The following MTMR8 variants were observed in gnomAD, a reference collection of about 807,000 sequenced individuals.
The protein encoded by MTMR8 is phosphatidylinositol-3,5-bisphosphate 3-phosphatase MTMR8.
Under a neutral mutation model 39.3 loss-of-function variants are expected in MTMR8, and 65 were observed. The ratio of observed to expected loss-of-function variants is 1.65; its 90% confidence interval spans 1.35 to 2.03. MTMR8 has a LOEUF of 2.03. Among genes scored for constraint, MTMR8 ranks in the 30% most tolerant of loss-of-function variants. The probability of loss-of-function intolerance (pLI) is 0.00; values close to 1 mark genes in which losing one functional copy is unlikely to be tolerated. For missense variants in MTMR8, 777 were observed against 538.9 expected (o/e 1.44, Z -4.37); for synonymous variants, 245 against 185.2 (o/e 1.32, Z -2.62).
intron 12 of MTMR8, among the ~76,000 whole-genome samples, chrX:64,292,907 G>T (rs1028022832): frequency 1.8e-5 from 2 of 111,571 alleles, no homozygotes; most frequent in Non-Finnish European, 3.8e-5. Context: ...CTCAAAAGAG[G>T]CTTTGTGCCT....
At chrX:64,365,390 C>G (rs1238013351) in intron 1 of MTMR8, among the ~76,000 whole-genome samples, 1 of 111,178 alleles carries the variant, frequency 9.0e-6, no homozygotes, top group African/African-American at 3.3e-5. Flanking sequence ...AAGGGAAGCC[C>G]ACCAGACTAA....
chrX:64,320,734 G>T (rs1397235178), intron 12 of MTMR8, among the ~76,000 whole-genome samples: 1 of 110,976 alleles, frequency 9.0e-6, no homozygotes, highest in African/African-American at 3.3e-5. Flanking sequence ...TCAGATACAT[G>T]CTGAGGGTCA....
chrX:64,335,095 A>C (rs1473890635), intron 10 of MTMR8, among the ~76,000 whole-genome samples: 1 of 111,480 alleles, frequency 9.0e-6, no homozygotes, highest in Non-Finnish European at 1.9e-5. Context: ...AATGGGGGAA[A>C]ATAAGACCTG....
intron 12 of MTMR8, among the ~76,000 whole-genome samples, chrX:64,277,157 G>T (rs774249370): frequency 9.0e-6 from 1 of 111,455 alleles, no homozygotes; most frequent in Non-Finnish European, 1.9e-5. Flanking sequence ...TGTGAGATGG[G>T]TCTCCTGAAT....
chrX:64,327,150 A>C (rs1922818789), intron 12 of MTMR8, among the ~76,000 whole-genome samples: 1 of 111,926 alleles, frequency 8.9e-6, no homozygotes, highest in African/African-American at 3.2e-5. Context: ...ATGACTCTAA[A>C]AGCACAGGTA....
At chrX:64,360,777 G>T (rs951381969) in intron 1 of MTMR8, among the ~76,000 whole-genome samples, 1 of 111,891 alleles carries the variant, frequency 8.9e-6, no homozygotes, top group Non-Finnish European at 1.9e-5. Context: ...ATAAAAATTT[G>T]AAGGACAGAG....
intron 12 of MTMR8, among the ~76,000 whole-genome samples, chrX:64,290,360 T>C (rs193102982): frequency 1.8e-5 from 2 of 111,115 alleles, no homozygotes; most frequent in African/African-American, 6.5e-5. Context: ...TTGCACATGC[T>C]GTTTAGTTTT....
At chrX:64,342,716 G>A (rs1923251549) in intron 8 of MTMR8, among the ~76,000 whole-genome samples, 1 of 111,867 alleles carries the variant, frequency 8.9e-6, no homozygotes, top group African/African-American at 3.3e-5. Context: ...TTAGGGCTTG[G>A]ATATTTAAGG....
At chrX:64,301,919 C>G (rs753189212) in intron 12 of MTMR8, among the ~76,000 whole-genome samples, 21 of 112,022 alleles carry the variant, frequency 1.9e-4, no homozygotes, top group Admixed American at 1.0e-3. Flanking sequence ...GGTAGTCTGC[C>G]GGTTCTCAGA....
intron 7 of MTMR8, among the ~76,000 whole-genome samples, chrX:64,344,046 C>T (rs1434268980): frequency 9.9e-6 from 1 of 101,280 alleles, no homozygotes; most frequent in Admixed American, 9.9e-5. Flanking sequence ...TATCCTAATC[C>T]CACCCACTTA....
At chrX:64,307,146 A>G (rs1487296567) in intron 12 of MTMR8, among the ~76,000 whole-genome samples, 1 of 111,549 alleles carries the variant, frequency 9.0e-6, no homozygotes, top group Non-Finnish European at 1.9e-5. Flanking sequence ...AGAGTTCTTG[A>G]TATATTCTAG....
At chrX:64,305,709 T>A (rs1283852271) in intron 12 of MTMR8, 10 of 519,324 alleles carry the variant, frequency 1.9e-5, no homozygotes, top group Non-Finnish European at 3.2e-5. Flanking sequence ...GAGGGCCCAG[T>A]CTGTATCTAC....
intron 12 of MTMR8, among the ~76,000 whole-genome samples, chrX:64,281,625 C>T (rs920564358): frequency 8.9e-6 from 1 of 111,753 alleles, no homozygotes; most frequent in African/African-American, 3.3e-5. Flanking sequence ...CAATACCATT[C>T]AGAAAATAGG....
intron 12 of MTMR8, among the ~76,000 whole-genome samples, chrX:64,304,549 C>G (rs1228772543): frequency 1.8e-5 from 2 of 110,750 alleles, no homozygotes; most frequent in Non-Finnish European, 3.8e-5. Context: ...TGTGGGCATC[C>G]AATTCTCTTT....
intron 12 of MTMR8, among the ~76,000 whole-genome samples, chrX:64,301,636 G>A (rs1237877074): frequency 8.9e-6 from 1 of 111,972 alleles, no homozygotes; most frequent in Non-Finnish European, 1.9e-5. Context: ...GCGTTCCTTT[G>A]GAGGAGGAGA....
chrX:64,289,223 C>G (rs1921312571), intron 12 of MTMR8, among the ~76,000 whole-genome samples: 1 of 109,994 alleles, frequency 9.1e-6, no homozygotes, highest in Non-Finnish European at 1.9e-5. Flanking sequence ...CACCTCACAC[C>G]CATTAGAATG....
At chrX:64,329,541 G>A (rs1922888429) in intron 11 of MTMR8, among the ~76,000 whole-genome samples, 1 of 111,148 alleles carries the variant, frequency 9.0e-6, no homozygotes, top group Non-Finnish European at 1.9e-5. Context: ...TCAGACCATG[G>A]GGAGGCTGCT....
At chrX:64,333,463 G>T (rs1395747371) in intron 10 of MTMR8, among the ~76,000 whole-genome samples, 2 of 111,756 alleles carry the variant, frequency 1.8e-5, no homozygotes, top group Admixed American at 1.9e-4. Flanking sequence ...CTTCATTATA[G>T]CTCAAGCTAA....
At chrX:64,372,449 A>C (rs1013039581) in intron 1 of MTMR8, among the ~76,000 whole-genome samples, 3 of 111,471 alleles carry the variant, frequency 2.7e-5, no homozygotes, top group African/African-American at 9.8e-5. Context: ...ACATACCACA[A>C]AACTCCCTTC....
Sources: gnomAD v4.1 joint callset for allele counts (sites outside exome capture counted in the v4.1 genomes callset) on GRCh38, gnomAD v4.1.1 for gene constraint, MANE v1.5 for transcripts, NCBI Gene and HGNC (gene_info 2026-07-23, HGNC 2026-07-21) for gene names.